SOX12: variants seen among roughly 807,000 people sequenced by gnomAD.
SOX12 encodes the protein transcription factor SOX-12.
Under a neutral mutation model 21.5 loss-of-function variants are expected in SOX12, and 8 were observed. The ratio of observed to expected loss-of-function variants is 0.37; its 90% CI spans 0.22 to 0.67. The LOEUF (loss-of-function observed/expected upper bound fraction) is 0.67. Ranked by LOEUF, SOX12 falls within the 30% of genes least tolerant of loss-of-function variation. The probability of loss-of-function intolerance (pLI) is 0.56; values close to 1 mark genes in which losing one functional copy is unlikely to be tolerated. For synonymous variants in SOX12, 235 were observed against 224.2 expected (o/e 1.05, Z -0.43); for missense variants, 400 against 482.6 (o/e 0.83, Z 1.60).
Position 326,317 on chromosome 20 carries a change from T to G in SOX12, c.393T>G (p.Gly131=), listed in dbSNP as rs1254677584. ...KARPRPPGGS[G]GGSRLKPGPQ... ...GGCCCCGCCCCCCCGGTGGTAGCGG[T>G]GGCGGCAGCCGGCTCAAGCCCGGGC... The change falls in exon 1 of 1, where the codon GGT becomes GGG. Residue 131 remains glycine (G), a synonymous_variant. Coordinates refer to ENST00000342665, the MANE Select transcript of SOX12 (RefSeq NM_006943.4). The surrounding 1 kb of genome is among the most constrained non-coding windows in gnomAD (Gnocchi z 9.9). 8.7e-6 allele frequency: 12 copies of G among 1,382,996 alleles called. No homozygotes were observed. Among genetic ancestry groups the G allele is most frequent in the Non-Finnish European group, 1.1e-5 (12 of 1,064,930 alleles). 85.7% of individuals were successfully genotyped at this position (1,382,996 alleles called of 1,614,324 possible). A position where few individuals can be genotyped will look rare whatever the true frequency, so the allele number is the denominator to read the frequency against.
rs1344002644 is a variant in SOX12 at position 326,548 on chromosome 20, C to G, written c.624C>G (p.Gly208=). ...CGGAGCGCGCCCAAGGGCCGTCGGG[C>G]GAGGGGGCGGCCGCCGCCGCCGCCG... ...GQAERAQGPS[G]EGAAAAAAAS... is the part of the protein sequence containing the mutation. The change falls in exon 1 of 1, where the codon GGC becomes GGG. Residue 208 remains glycine, a synonymous_variant. Coordinates refer to ENST00000342665, the MANE Select transcript of SOX12 (RefSeq NM_006943.4). This position sits in a 1 kb window ranked among gnomAD's most constrained non-coding sequence, Gnocchi z 9.9. The G allele has an allele frequency of 1.5e-5, 23 of 1,510,548 alleles. No individual in the cohort carries two copies. Among genetic ancestry groups the G allele is most frequent in the Non-Finnish European group, 1.8e-5 (21 of 1,136,398 alleles). The allele number at this position is 1,510,548 out of a possible 1,614,324, so 93.6% of individuals were successfully genotyped here.
In SOX12 at chr20:329,323, G is replaced by C. The variant is rs572959340; in HGVS notation, c.*2451G>C. The C allele has an allele frequency of 7.8e-5, 13 of 167,246 alleles. No individual in the cohort carries two copies. Among genetic ancestry groups the C allele is most frequent in the African/African-American group, 2.6e-4 (11 of 41,580 alleles). 10.4% of individuals were successfully genotyped at this position (167,246 alleles called of 1,614,324 possible). ...TAGCTGCTTCACAGGATGAAATGAAGTTTGAGGTGAGAAGCATTCACCATG... is the reference window on the plus strand; with the variant it reads ...TAGCTGCTTCACAGGATGAAATGAACTTTGAGGTGAGAAGCATTCACCATG... On this transcript the variant is annotated 3_prime_UTR_variant, in exon 1 of 1. Transcript: ENST00000342665.
Position 328,945 on chromosome 20 carries a change from G to A in SOX12, c.*2073G>A, listed in dbSNP as rs2013151658. 6.0e-6 allele frequency: 1 copy of A among 167,114 alleles called. No homozygotes were observed. Among genetic ancestry groups the A allele is most frequent in the Non-Finnish European group, 1.5e-5 (1 of 68,158 alleles). 10.4% of individuals were successfully genotyped at this position (167,114 alleles called of 1,614,324 possible). On this transcript the variant is annotated 3_prime_UTR_variant, in exon 1 of 1. Coordinates refer to ENST00000342665, the MANE Select transcript of SOX12 (RefSeq NM_006943.4). ...AGGTAACATAGACGAGTGACTCTGGGTGGACAGTGGTGTCATGACCCACTT... is the reference window on the plus strand; with the variant it reads ...AGGTAACATAGACGAGTGACTCTGGATGGACAGTGGTGTCATGACCCACTT...
In SOX12 at chr20:326,410, C is replaced by T. The variant is rs1600206888; in HGVS notation, c.486C>T (p.Pro162=). 1 of 1,343,166 alleles carries T rather than the reference C, an allele frequency of 7.4e-7. No individual in the cohort carries two copies. The allele number at this position is 1,343,166 out of a possible 1,614,324, so 83.2% of individuals were successfully genotyped here. A position where few individuals can be genotyped will look rare whatever the true frequency, so the allele number is the denominator to read the frequency against. ...GGPLGGGAAA[P]EDDDEDDDEE... Reference sequence around the variant, plus strand: ...CTTTGGGGGGCGGGGCGGCGGCGCCCGAGGACGACGATGAAGACGACGACG... The same window carrying T: ...CTTTGGGGGGCGGGGCGGCGGCGCCTGAGGACGACGATGAAGACGACGACG... The change falls in exon 1 of 1, where the codon CCC becomes CCT. Residue 162 remains proline (P), a synonymous_variant. Transcript: ENST00000342665. This position sits in a 1 kb window ranked among gnomAD's most constrained non-coding sequence, Gnocchi z 9.9.
In SOX12 at chr20:326,373, C is replaced by A; in HGVS notation, c.449C>A (p.Ala150Glu). The A allele has an allele frequency of 1.5e-5, 19 of 1,298,658 alleles. No individual in the cohort carries two copies. Among genetic ancestry groups the A allele is most frequent in the Non-Finnish European group, 1.9e-5 (19 of 1,025,628 alleles). 80.4% of individuals were successfully genotyped at this position (1,298,658 alleles called of 1,614,324 possible). A position where few individuals can be genotyped will look rare whatever the true frequency, so the allele number is the denominator to read the frequency against. The change falls in exon 1 of 1, where the codon GCA (alanine) becomes GAA (glutamate). Residue 150 changes from alanine (A) to glutamate (E), a missense_variant. By Grantham distance (107) the Ala-to-Glu change is moderately radical (BLOSUM62 -1). Coordinates refer to ENST00000342665, the MANE Select transcript of SOX12 (RefSeq NM_006943.4). This position sits in a 1 kb window ranked among gnomAD's most constrained non-coding sequence, Gnocchi z 9.9. ...CTGCCTGGCCGCGGGGGCCGCCGAG[C>A]AGCGGGAGGGCCTTTGGGGGGCGGG... Reference protein sequence around the residue: ...PQLPGRGGRRAAGGPLGGGAA... With the variant: ...PQLPGRGGRREAGGPLGGGAA...
In SOX12 at chr20:326,384, C is replaced by G; in HGVS notation, c.460C>G (p.Pro154Ala). 5 of 1,333,774 alleles carry G rather than the reference C, an allele frequency of 3.7e-6. No individual in the cohort carries two copies. Among genetic ancestry groups the G allele is most frequent in the Non-Finnish European group, 4.8e-6 (5 of 1,046,258 alleles). The allele number at this position is 1,333,774 out of a possible 1,614,324, so 82.6% of individuals were successfully genotyped here. Residue 154 changes from proline to alanine, a missense_variant, in exon 1 of 1, where the codon CCT (proline) becomes GCT (alanine). Around this residue, in one of 4 missense-constraint regions of SOX12, gnomAD observed 235 missense variants for 219.3 expected, o/e 1.07. Coordinates refer to ENST00000342665, the MANE Select transcript of SOX12 (RefSeq NM_006943.4). This position sits in a 1 kb window ranked among gnomAD's most constrained non-coding sequence, Gnocchi z 9.9. ...CGGGGGCCGCCGAGCAGCGGGAGGGCCTTTGGGGGGCGGGGCGGCGGCGCC... is the reference window on the plus strand; with the variant it reads ...CGGGGGCCGCCGAGCAGCGGGAGGGGCTTTGGGGGGCGGGGCGGCGGCGCC... ...GRGGRRAAGG[P>A]LGGGAAAPED...
At position 327,987 on chromosome 20, in the gene SOX12, C is replaced by A. The variant is rs1231944530; in HGVS notation, c.*1115C>A. Reference sequence around the variant, plus strand: ...GTATACAGCGGGAAAAACTGAGGCACTTTGGTGCTAGGGGTTTGGGACTGA... The same window carrying A: ...GTATACAGCGGGAAAAACTGAGGCAATTTGGTGCTAGGGGTTTGGGACTGA... On this transcript the variant is annotated 3_prime_UTR_variant, in exon 1 of 1. Coordinates refer to ENST00000342665, the MANE Select transcript of SOX12 (RefSeq NM_006943.4). The A allele has an allele frequency of 6.0e-6, 1 of 167,172 alleles. No individual in the cohort carries two copies. The highest frequency in any genetic ancestry group is 1.9e-4 in the East Asian group (1 of 5,196). The allele number at this position is 167,172 out of a possible 1,614,324, so 10.4% of individuals were successfully genotyped here. A position where few individuals can be genotyped will look rare whatever the true frequency, so the allele number is the denominator to read the frequency against.
At position 326,889 on chromosome 20, in the gene SOX12, G is replaced by A; in HGVS notation, c.*17G>A. ...ACCTACTGAGCCCACCGTCAGCGGG[G>A]CGCGCACGCCCCCAAACCAGCTGTT... On this transcript the variant is annotated 3_prime_UTR_variant, in exon 1 of 1. Transcript: ENST00000342665. This position sits in a 1 kb window ranked among gnomAD's most constrained non-coding sequence, Gnocchi z 9.9. 1 of 1,612,634 alleles carries A rather than the reference G, an allele frequency of 6.2e-7. No homozygotes were observed. The highest frequency in any genetic ancestry group is 1.1e-5 in the South Asian group (1 of 91,070).
Position 326,374 on chromosome 20 carries a change from A to T in SOX12, c.450A>T (p.Ala150=), listed in dbSNP as rs1375538540. The T allele has an allele frequency of 7.7e-7, 1 of 1,298,262 alleles. No individual in the cohort carries two copies. Among genetic ancestry groups the T allele is most frequent in the African/African-American group, 1.6e-5 (1 of 64,314 alleles). 80.4% of individuals were successfully genotyped at this position (1,298,262 alleles called of 1,614,324 possible). A position where few individuals can be genotyped will look rare whatever the true frequency, so the allele number is the denominator to read the frequency against. Residue 150 remains alanine, a synonymous_variant, in exon 1 of 1, where the codon GCA becomes GCT. Coordinates refer to ENST00000342665, the MANE Select transcript of SOX12 (RefSeq NM_006943.4). The surrounding 1 kb of genome is among the most constrained non-coding windows in gnomAD (Gnocchi z 9.9). ...PQLPGRGGRR[A]AGGPLGGGAA... is the part of the protein sequence containing the mutation. ...TGCCTGGCCGCGGGGGCCGCCGAGC[A>T]GCGGGAGGGCCTTTGGGGGGCGGGG...
At position 325,786 on chromosome 20, in the gene SOX12, T is replaced by C. The variant is rs1204664490; in HGVS notation, c.-139T>C. 1 of 294,646 alleles carries C rather than the reference T, an allele frequency of 3.4e-6. No individual in the cohort carries two copies. Among genetic ancestry groups the C allele is most frequent in the Non-Finnish European group, 5.1e-6 (1 of 197,460 alleles). 18.3% of individuals were successfully genotyped at this position (294,646 alleles called of 1,614,324 possible). A position where few individuals can be genotyped will look rare whatever the true frequency, so the allele number is the denominator to read the frequency against. On this transcript the variant is annotated 5_prime_UTR_variant, in exon 1 of 1. Transcript: ENST00000342665. The surrounding 1 kb of genome is among the most constrained non-coding windows in gnomAD (Gnocchi z 5.0). ...CCGTTGGGCCCGAGCGCCCAGCTCC[T>C]CGCTCCCCAGTTCGCGGGGGCCGGG...
rs541844635 is a variant in SOX12 at position 327,926 on chromosome 20, C to G, written c.*1054C>G. The G allele has an allele frequency of 6.0e-6, 1 of 167,258 alleles. No homozygotes were observed. The highest frequency in any genetic ancestry group is 1.5e-5 in the Non-Finnish European group (1 of 68,242). 10.4% of individuals were successfully genotyped at this position (167,258 alleles called of 1,614,324 possible). On this transcript the variant is annotated 3_prime_UTR_variant, in exon 1 of 1. Coordinates refer to ENST00000342665, the MANE Select transcript of SOX12 (RefSeq NM_006943.4). ...TCCTCCCTGAGCGCACCGGCCCTTC[C>G]TGTCACCCAGGTCCACCCTCAGTAC...
Position 327,899 on chromosome 20 carries a change from G to T in SOX12, c.*1027G>T. The stretch of plus-strand genomic sequence containing the variant: ...TCACCTCAGGGCACCCGCAACCTGG[G>T]CTCCTCCCTGAGCGCACCGGCCCTT... On this transcript the variant is annotated 3_prime_UTR_variant, in exon 1 of 1. Transcript: ENST00000342665. 6.0e-6 allele frequency: 1 copy of T among 167,314 alleles called. No homozygotes were observed. 10.4% of individuals were successfully genotyped at this position (167,314 alleles called of 1,614,324 possible). A position where few individuals can be genotyped will look rare whatever the true frequency, so the allele number is the denominator to read the frequency against.
rs1019709029 is a variant in SOX12 at position 326,631 on chromosome 20, C to T, written c.707C>T (p.Ala236Val). The T allele has an allele frequency of 1.9e-6, 3 of 1,544,884 alleles. No homozygotes were observed. The highest frequency in any genetic ancestry group is 2.0e-5 in the Admixed American group (1 of 50,542). The change falls in exon 1 of 1, where the codon GCG becomes GTG. Residue 236 changes from alanine (A) to valine (V), a missense_variant. Ala to Val is a moderately conservative substitution (Grantham distance 64). This residue lies in a region of SOX12 where 235 missense variants were observed against 219.3 expected (regional missense o/e 1.07). Transcript: ENST00000342665. This position sits in a 1 kb window ranked among gnomAD's most constrained non-coding sequence, Gnocchi z 9.9. ...EPEEEEEEAA[A>V]AEEGEEETVA... Reference sequence around the variant, plus strand: ...GAGGAAGAGGAGGAGGAGGCGGCAGCGGCTGAGGAAGGTGAAGAGGAGACG... The same window carrying T: ...GAGGAAGAGGAGGAGGAGGCGGCAGTGGCTGAGGAAGGTGAAGAGGAGACG...
chr20:326,757 C>T lies in SOX12; in HGVS notation c.833C>T (p.Pro278Leu), dbSNP rs1352381281. Residue 278 changes from proline (P) to leucine (L), a missense_variant, in exon 1 of 1, where the codon CCT becomes CTT. Physicochemically the swap from Pro to Leu is moderately conservative, Grantham distance 98 (BLOSUM62 -3). Transcript: ENST00000342665. The surrounding 1 kb of genome is among the most constrained non-coding windows in gnomAD (Gnocchi z 9.9). ...CTGGATCGCGACCCGGACCTGCAGC[C>T]TCCCTCGGGCACGTCGCACTTCGAG... ...SALDRDPDLQ[P>L]PSGTSHFEFP... The T allele has an allele frequency of 1.9e-6, 3 of 1,613,018 alleles. No individual in the cohort carries two copies. The highest frequency in any genetic ancestry group is 2.5e-6 in the Non-Finnish European group (3 of 1,179,676).
chr20:326,597 G>C lies in SOX12; in HGVS notation c.673G>C (p.Glu225Gln), dbSNP rs1177544531. Residue 225 changes from glutamate (E) to glutamine (Q), a missense_variant, in exon 1 of 1, where the codon GAG becomes CAG. By Grantham distance (29) the Glu-to-Gln change is conservative (BLOSUM62 2). Around this residue, in one of 4 missense-constraint regions of SOX12, gnomAD observed 235 missense variants for 219.3 expected, o/e 1.07. Coordinates refer to ENST00000342665, the MANE Select transcript of SOX12 (RefSeq NM_006943.4). The surrounding 1 kb of genome is among the most constrained non-coding windows in gnomAD (Gnocchi z 9.9). ...CGCCTCCCCGACACCGTCGGAGGAC[G>C]AGGAGCCGGAGGAAGAGGAGGAGGA... is the stretch of plus-strand genomic sequence containing the variant. Reference protein sequence around the residue: ...AAASPTPSEDEEPEEEEEEAA... With the variant: ...AAASPTPSEDQEPEEEEEEAA... The C allele has an allele frequency of 5.2e-6, 8 of 1,535,692 alleles. No homozygotes were observed. Among genetic ancestry groups the C allele is most frequent in the Non-Finnish European group, 7.0e-6 (8 of 1,142,592 alleles).
Position 326,236 on chromosome 20 carries a change from C to T in SOX12, c.312C>T (p.Tyr104=), listed in dbSNP as rs771781431. Residue 104 remains tyrosine (Y), a synonymous_variant, in exon 1 of 1, where the codon TAC becomes TAT. Coordinates refer to ENST00000342665, the MANE Select transcript of SOX12 (RefSeq NM_006943.4). This position sits in a 1 kb window ranked among gnomAD's most constrained non-coding sequence, Gnocchi z 9.9. ...TGCGGCTCAAGCACATGGCGGATTA[C>T]CCGGACTACAAGTACCGGCCGCGCA... is the stretch of plus-strand genomic sequence containing the variant. ...ERLRLKHMAD[Y]PDYKYRPRKK... The T allele has an allele frequency of 6.3e-7, 1 of 1,579,310 alleles. No homozygotes were observed. Among genetic ancestry groups the T allele is most frequent in the Admixed American group, 1.8e-5 (1 of 55,832 alleles).
rs535193159 is a variant in SOX12, at chr20:328,493, G to A, written c.*1621G>A. 13 of 164,260 alleles carry A rather than the reference G, an allele frequency of 7.9e-5. No homozygotes were observed. The highest frequency in any genetic ancestry group is 2.5e-4 in the African/African-American group (10 of 40,584). The allele number at this position is 164,260 out of a possible 1,614,324, so 10.2% of individuals were successfully genotyped here. ...CTGCCTCCTTTAAGCTTGGTGCTCCGGCTCTGGGCCTTTCTTGCGCTCTAT... is the reference window on the plus strand; with the variant it reads ...CTGCCTCCTTTAAGCTTGGTGCTCCAGCTCTGGGCCTTTCTTGCGCTCTAT... On this transcript the variant is annotated 3_prime_UTR_variant, in exon 1 of 1. Coordinates refer to ENST00000342665, the MANE Select transcript of SOX12 (RefSeq NM_006943.4).
At position 326,242 on chromosome 20, in the gene SOX12, C is replaced by T; in HGVS notation, c.318C>T (p.Asp106=). 1 of 1,565,036 alleles carries T rather than the reference C, an allele frequency of 6.4e-7. No homozygotes were observed. The highest frequency in any genetic ancestry group is 2.5e-5 in the East Asian group (1 of 39,962). The change falls in exon 1 of 1, where the codon GAC becomes GAT. Residue 106 remains aspartate (D), a synonymous_variant. Transcript: ENST00000342665. This position sits in a 1 kb window ranked among gnomAD's most constrained non-coding sequence, Gnocchi z 9.9. ...TCAAGCACATGGCGGATTACCCGGA[C>T]TACAAGTACCGGCCGCGCAAAAAGA... is the stretch of plus-strand genomic sequence containing the variant. ...LRLKHMADYP[D]YKYRPRKKSK... is the part of the protein sequence containing the mutation.
In SOX12 at chr20:327,549, A is replaced by T. The variant is rs1047507; in HGVS notation, c.*677A>T. 3.0e-5 allele frequency: 5 copies of T among 167,032 alleles called. No homozygotes were observed. The highest frequency in any genetic ancestry group is 7.3e-5 in the Non-Finnish European group (5 of 68,200). 10.3% of individuals were successfully genotyped at this position (167,032 alleles called of 1,614,324 possible). ...GAGCCCTAGGTTTCCTCTCCAGCCAACGGGGCGTCGCTGCCTTAATGGGAG... is the reference window on the plus strand; with the variant it reads ...GAGCCCTAGGTTTCCTCTCCAGCCATCGGGGCGTCGCTGCCTTAATGGGAG... On this transcript the variant is annotated 3_prime_UTR_variant, in exon 1 of 1. Coordinates refer to ENST00000342665, the MANE Select transcript of SOX12 (RefSeq NM_006943.4).
Sources: allele counts gnomAD v4.1 joint callset, GRCh38; gene constraint gnomAD v4.1.1; regional missense constraint gnomAD v4.1.1; non-coding constraint Gnocchi (gnomAD v3.1); transcripts MANE v1.5; gene names NCBI Gene and HGNC (gene_info 2026-07-23, HGNC 2026-07-21).